NEDD4L: variants seen among roughly 807,000 people sequenced by gnomAD.
NEDD4L encodes E3 ubiquitin-protein ligase NEDD4-like.
NEDD4L carries 54 observed loss-of-function variants against 148.9 expected under a neutral mutation model. The ratio of observed to expected loss-of-function variants is 0.36; its 90% CI spans 0.29 to 0.45. The LOEUF (loss-of-function observed/expected upper bound fraction) is 0.45. Among genes scored for constraint, NEDD4L ranks in the 20% least tolerant of loss-of-function variants. The pLI is 1.00. For missense variants in NEDD4L, 856 were observed against 1,233.8 expected, an observed-to-expected ratio of 0.69 and a Z score of 4.59; for synonymous variants, 433 against 440.7, an observed-to-expected ratio of 0.98 and a Z score of 0.22.
chr18:58,337,473 C>T (rs552973237), intron 13 of NEDD4L, among the ~76,000 whole-genome samples: 1 of 152,286 alleles, frequency 6.6e-6, no homozygotes, highest in African/African-American at 2.4e-5. Context: ...AGTGTATTGT[C>T]CTGGGCTGGA....
intron 1 of NEDD4L, among the ~76,000 whole-genome samples, chr18:58,101,151 C>T (rs905986085): frequency 1.3e-5 from 2 of 152,134 alleles, no homozygotes; most frequent in Non-Finnish European, 2.9e-5. Context: ...TTAGCAATGG[C>T]TTCAAAAAAT....
intron 1 of NEDD4L, among the ~76,000 whole-genome samples, chr18:58,072,382 C>A (rs540259938): frequency 4.6e-5 from 7 of 152,200 alleles, no homozygotes; most frequent in Admixed American, 2.0e-4. Context: ...GATTGTACAC[C>A]GTGACAAAGT....
chr18:58,329,334 T>C (rs547506637), intron 10 of NEDD4L, among the ~76,000 whole-genome samples: 24 of 152,340 alleles, frequency 1.6e-4, no homozygotes, highest in South Asian at 4.1e-4. Flanking sequence ...CTCTATATTA[T>C]AGAAATGGGA....
chr18:58,092,855 CT>C (rs1443340293), intron 1 of NEDD4L, among the ~76,000 whole-genome samples: 7 of 139,866 alleles, frequency 5.0e-5, no homozygotes, highest in Non-Finnish European at 3.1e-5. Context: ...CCCTCTCTCT[CT>C]TTTTTTTTTG....
In NEDD4L at chr18:58,373,274, A is replaced by T; in HGVS notation, c.2352+5A>T. The T allele has an allele frequency of 6.5e-7, 1 of 1,536,378 alleles. No homozygotes were observed. The highest frequency in any genetic ancestry group is 1.2e-5 in the South Asian group (1 of 84,776). On this transcript the variant is annotated splice_donor_5th_base_variant and intron_variant, in intron 24 of 30. Coordinates refer to ENST00000400345, the MANE Select transcript of NEDD4L (RefSeq NM_001144967.3). ...GACGAAGAAAACTTTGGACAGGTAC[A>T]TGTGGGTAACCCTGGGAACTCTTCT... is the stretch of plus-strand genomic sequence containing the variant.
chr18:58,160,172 CTT>C (rs767093982), intron 1 of NEDD4L, among the ~76,000 whole-genome samples: 3 of 152,146 alleles, frequency 2.0e-5, no homozygotes, highest in Non-Finnish European at 4.4e-5. Flanking sequence ...ATTTTATAGA[CTT>C]TGTGGGTGGC....
At chr18:58,101,222 C>G (rs958856022) in intron 1 of NEDD4L, among the ~76,000 whole-genome samples, 4 of 152,148 alleles carry the variant, frequency 2.6e-5, no homozygotes. Flanking sequence ...TCTGATACAG[C>G]CAACCAGGAG....
At chr18:58,355,750 T>G (rs1303766991) in intron 18 of NEDD4L, among the ~76,000 whole-genome samples, 1 of 152,030 alleles carries the variant, frequency 6.6e-6, no homozygotes, top group Admixed American at 6.5e-5. Flanking sequence ...TCATGTAAAT[T>G]TTCTGCCAGC....
chr18:58,287,217 C>T (rs2054053956), intron 5 of NEDD4L, among the ~76,000 whole-genome samples: 1 of 151,826 alleles, frequency 6.6e-6, no homozygotes, highest in Admixed American at 6.6e-5. Flanking sequence ...AAAGGCAGCT[C>T]TCAACCCAGC....
intron 5 of NEDD4L, among the ~76,000 whole-genome samples, chr18:58,276,250 ACT>A (rs201560737): frequency 1.7e-3 from 216 of 123,618 alleles, no homozygotes; most frequent in African/African-American, 6.6e-3. Flanking sequence ...ACGGAGTCTC[ACT>A]CTGTTGCCCA....
chr18:58,131,930 GA>G (rs1178363850), intron 1 of NEDD4L, among the ~76,000 whole-genome samples: 1 of 152,166 alleles, frequency 6.6e-6, no homozygotes, highest in Non-Finnish European at 1.5e-5. Context: ...TTTCATTTGA[GA>G]CATGTTCTGA....
intron 2 of NEDD4L, among the ~76,000 whole-genome samples, chr18:58,214,818 G>GTTA (rs2042998737): frequency 1.6e-5 from 1 of 62,712 alleles, no homozygotes; most frequent in Non-Finnish European, 3.8e-5. Flanking sequence ...TTTTTTTTTT[G>GTTA]TTGTTGTTGT....
chr18:58,115,245 C>CTTTTTTTTTTTTT (rs60541981), intron 1 of NEDD4L, among the ~76,000 whole-genome samples: 20 of 129,528 alleles, frequency 1.5e-4, no homozygotes, highest in Non-Finnish European at 1.8e-4. Flanking sequence ...TTCTTTCTTT[C>CTTTTTTTTTTTTT]TTTTTTTTTT....
intron 5 of NEDD4L, among the ~76,000 whole-genome samples, chr18:58,253,991 GT>G (rs35718137): frequency 5.7e-4 from 83 of 146,452 alleles, no homozygotes; most frequent in East Asian, 1.8e-3. Context: ...TGGTGTTGCT[GT>G]TTTTTTTTTT....
intron 5 of NEDD4L, chr18:58,255,750 C>T: frequency 2.4e-6 from 3 of 1,232,522 alleles, no homozygotes; most frequent in South Asian, 8.2e-5. Flanking sequence ...GCATTCCACA[C>T]CCTACCGCGG....
At chr18:58,202,354 C>G (rs563109646) in intron 2 of NEDD4L, among the ~76,000 whole-genome samples, 15 of 152,350 alleles carry the variant, frequency 9.8e-5, no homozygotes, top group Admixed American at 4.6e-4. Context: ...AGGCTGTCCT[C>G]CAGGACAGTG....
At chr18:58,384,459 C>T (rs1308068070) in intron 25 of NEDD4L, among the ~76,000 whole-genome samples, 1 of 152,214 alleles carries the variant, frequency 6.6e-6, no homozygotes, top group Non-Finnish European at 1.5e-5. Context: ...ACACCATTGT[C>T]TTCCTTCAGA....
intron 1 of NEDD4L, among the ~76,000 whole-genome samples, chr18:58,056,261 T>G (rs1222927807): frequency 2.6e-5 from 4 of 152,226 alleles, no homozygotes; most frequent in Non-Finnish European, 5.9e-5. Context: ...CCTCCACTCC[T>G]CTCACCCCCA....
At chr18:58,385,680 A>C (rs2048918143) in intron 26 of NEDD4L, 94 bp downstream of exon 26, 1 of 1,046,546 alleles carries the variant, frequency 9.6e-7, no homozygotes, top group Admixed American at 1.7e-5. Flanking sequence ...GGTGGAGCTG[A>C]TCAGAGACAG....
Sources: gnomAD v4.1 joint callset for allele counts (sites outside exome capture counted in the v4.1 genomes callset) on GRCh38, gnomAD v4.1.1 for gene constraint, MANE v1.5 for transcripts, NCBI Gene and HGNC (gene_info 2026-07-23, HGNC 2026-07-21) for gene names.